The following GABRB1 variants were observed in gnomAD, a reference collection of about 807,000 sequenced individuals.
GABRB1 encodes the protein gamma-aminobutyric acid type A receptor subunit beta1.
Under a neutral mutation model 51.6 loss-of-function variants are expected in GABRB1, and 17 were observed. That is an observed-to-expected ratio of 0.33 (90% CI 0.23 to 0.49). The LOEUF (loss-of-function observed/expected upper bound fraction) is 0.49, where lower values mean the gene tolerates loss of function less well. Among genes scored for constraint, GABRB1 ranks in the 20% least tolerant of loss-of-function variants. GABRB1 has a pLI of 0.99. For missense variants in GABRB1, 410 were observed against 600.6 expected, an observed-to-expected ratio of 0.68 and a Z score of 3.32; for synonymous variants, 247 against 218.9, an observed-to-expected ratio of 1.13 and a Z score of -1.14.
intron 3 of GABRB1, among the ~76,000 whole-genome samples, chr4:47,040,001 C>A (rs1037724341): frequency 6.6e-6 from 1 of 152,124 alleles, no homozygotes; most frequent in African/African-American, 2.4e-5. Flanking sequence ...AGTTATTCAT[C>A]TTGGAAGTGG....
At position 47,031,750 on chromosome 4, in the gene GABRB1, ATCTCGC is replaced by A. The variant is rs200686643; in HGVS notation, c.80+24_80+29del. The A allele has an allele frequency of 0.11, 166,294 of 1,520,586 alleles. 8,336 individuals carry two copies. Among genetic ancestry groups the A allele is most frequent in the East Asian group, 0.18 (7,718 of 43,316 alleles). 94.2% of individuals were successfully genotyped at this position (1,520,586 alleles called of 1,614,324 possible). A position where few individuals can be genotyped will look rare whatever the true frequency, so the allele number is the denominator to read the frequency against. ...CACACAGGTGAGCTGCTGTTGTTGA[ATCTCGC>A]TCTCTCTCTCTCTCTCTCTTTTTTT... On this transcript the variant is annotated intron_variant, in intron 1 of 8. Transcript: ENST00000295454.
chr4:47,093,329 C>T (rs1224854106), intron 3 of GABRB1, among the ~76,000 whole-genome samples: 3 of 152,104 alleles, frequency 2.0e-5, no homozygotes, highest in Non-Finnish European at 4.4e-5. Context: ...ATAAAGTTGT[C>T]GTTTTTATTT....
At chr4:47,258,730 A>G (rs940903464) in intron 4 of GABRB1, among the ~76,000 whole-genome samples, 1 of 152,200 alleles carries the variant, frequency 6.6e-6, no homozygotes, top group Non-Finnish European at 1.5e-5. Flanking sequence ...AAAATTTTCT[A>G]TGAAATCACT....
chr4:47,257,718 A>C (rs576469876), intron 4 of GABRB1, among the ~76,000 whole-genome samples: 3 of 152,206 alleles, frequency 2.0e-5, no homozygotes, highest in African/African-American at 7.2e-5. Flanking sequence ...CTAGTGAAAA[A>C]TCCATTCTTT....
intron 5 of GABRB1, among the ~76,000 whole-genome samples, chr4:47,350,812 G>T (rs1005690914): frequency 3.3e-5 from 5 of 152,024 alleles, no homozygotes; most frequent in Admixed American, 6.6e-5. Flanking sequence ...CCTGTGAACT[G>T]AAATATTTCA....
chr4:47,274,666 A>G (rs551262210), intron 4 of GABRB1, among the ~76,000 whole-genome samples: 12 of 152,294 alleles, frequency 7.9e-5, no homozygotes, highest in Non-Finnish European at 1.5e-4. Context: ...CAAATGGAAG[A>G]CTGAACAATG....
intron 5 of GABRB1, among the ~76,000 whole-genome samples, chr4:47,346,458 G>A (rs1726092850): frequency 6.6e-6 from 1 of 152,184 alleles, no homozygotes; most frequent in Non-Finnish European, 1.5e-5. Flanking sequence ...CAGGCTGATT[G>A]CAGAAATTTA....
intron 4 of GABRB1, among the ~76,000 whole-genome samples, chr4:47,269,743 C>T (rs1722782293): frequency 6.6e-6 from 1 of 152,012 alleles, no homozygotes; most frequent in South Asian, 2.1e-4. Flanking sequence ...ACACTATGTA[C>T]ATGTATTAAC....
intron 4 of GABRB1, among the ~76,000 whole-genome samples, chr4:47,223,495 T>C (rs1720841241): frequency 6.6e-6 from 1 of 152,150 alleles, no homozygotes; most frequent in African/African-American, 2.4e-5. Context: ...TTTTTCTTTA[T>C]TTGGGCTTTT....
intron 4 of GABRB1, among the ~76,000 whole-genome samples, chr4:47,241,430 T>G (rs1721517483): frequency 6.6e-6 from 1 of 152,144 alleles, no homozygotes; most frequent in Non-Finnish European, 1.5e-5. Flanking sequence ...ACCACAAATG[T>G]GCTTTTCCCA....
intron 1 of GABRB1, among the ~76,000 whole-genome samples, chr4:47,019,959 T>TGTATTC (rs1724882690): frequency 3.4e-5 from 5 of 146,562 alleles, no homozygotes; most frequent in Non-Finnish European, 5.9e-5. Context: ...TATATGTATA[T>TGTATTC]ATATTTTGTA....
chr4:47,264,569 T>A (rs1162496540), intron 4 of GABRB1, among the ~76,000 whole-genome samples: 2 of 152,232 alleles, frequency 1.3e-5, no homozygotes, highest in Non-Finnish European at 2.9e-5. Context: ...AGCATATAAC[T>A]CAAAGGTCAA....
chr4:47,200,520 C>A (rs1719859358), intron 4 of GABRB1, among the ~76,000 whole-genome samples: 1 of 152,144 alleles, frequency 6.6e-6, no homozygotes, highest in Admixed American at 6.6e-5. Flanking sequence ...ACTGACTTAT[C>A]TTTCACACTT....
intron 5 of GABRB1, among the ~76,000 whole-genome samples, chr4:47,384,937 A>C (rs899663401): frequency 6.6e-6 from 1 of 152,192 alleles, no homozygotes; most frequent in Admixed American, 6.5e-5. Context: ...ATTTGAAAAC[A>C]ATCTTTAAAA....
At chr4:47,174,952 C>G (rs1402079031) in intron 4 of GABRB1, among the ~76,000 whole-genome samples, 1 of 139,640 alleles carries the variant, frequency 7.2e-6, no homozygotes, top group African/African-American at 2.7e-5. Flanking sequence ...CTCCTCCTTC[C>G]TTCCTTCTTT....
intron 3 of GABRB1, among the ~76,000 whole-genome samples, chr4:47,112,560 T>C (rs1225739680): frequency 6.6e-6 from 1 of 152,212 alleles, no homozygotes; most frequent in African/African-American, 2.4e-5. Flanking sequence ...AGTTTCTCTA[T>C]TTGTTAAAGA....
chr4:47,323,831 G>C (rs192302631), intron 5 of GABRB1, among the ~76,000 whole-genome samples: 123 of 152,290 alleles, frequency 8.1e-4, no homozygotes, highest in African/African-American at 2.3e-3. Context: ...AGCCATAAAG[G>C]CTTGTTAAAT....
intron 4 of GABRB1, among the ~76,000 whole-genome samples, chr4:47,250,972 A>C (rs1390800138): frequency 6.6e-6 from 1 of 151,914 alleles, no homozygotes; most frequent in Non-Finnish European, 1.5e-5. Context: ...CTTGGTTTGG[A>C]TCCATTGCTG....
rs1453937837 is a variant in GABRB1 at position 47,225,294 on chromosome 4, T to C, written c.461+63825T>C. On this transcript the variant is annotated intron_variant, in intron 4 of 8. Transcript: ENST00000295454. ...TGCCGCGGAATTATAGACAGAACTTTGTGAGGATATGCATTTGGTGGAGGG... is the reference window on the plus strand; with the variant it reads ...TGCCGCGGAATTATAGACAGAACTTCGTGAGGATATGCATTTGGTGGAGGG... Among the ~76,000 whole-genome samples, 3 of 152,238 alleles carry C rather than the reference T, an allele frequency of 2.0e-5. No individual in the cohort carries two copies. In the South Asian group the frequency reaches 6.2e-4, roughly 32 times the overall value.
Sources: gnomAD v4.1 joint callset for allele counts (sites outside exome capture counted in the v4.1 genomes callset) on GRCh38, gnomAD v4.1.1 for gene constraint, MANE v1.5 for transcripts, NCBI Gene and HGNC (gene_info 2026-07-23, HGNC 2026-07-21) for gene names.